Variants in PTPRO observed in about 807,000 individuals in gnomAD.
PTPRO encodes the protein receptor-type tyrosine-protein phosphatase O.
A neutral mutation model predicts 145.2 loss-of-function variants in PTPRO; 62 were observed. The observed-to-expected ratio is 0.43, with a 90% CI of 0.35 to 0.53. The LOEUF (loss-of-function observed/expected upper bound fraction) is 0.53. Among genes scored for constraint, PTPRO ranks in the 20% least tolerant of loss-of-function variants. The pLI is 0.01. For synonymous variants in PTPRO, 565 were observed against 514.7 expected (o/e 1.10, Z -1.32); for missense variants, 1,345 against 1,482.7 (o/e 0.91, Z 1.53).
intron 12 of PTPRO, among the ~76,000 whole-genome samples, chr12:15,531,310 C>G (rs181865072): frequency 6.6e-6 from 1 of 152,224 alleles, no homozygotes; most frequent in Non-Finnish European, 1.5e-5. Context: ...CCTGCTCAAA[C>G]TTTTCAAAAA....
intron 10 of PTPRO, among the ~76,000 whole-genome samples, chr12:15,523,883 G>A (rs908490165): frequency 6.6e-6 from 1 of 151,868 alleles, no homozygotes; most frequent in Non-Finnish European, 1.5e-5. Flanking sequence ...CTGCAGCCTG[G>A]ATCTCCTGGG....
chr12:15,508,407 G>A (rs933858836), intron 6 of PTPRO, among the ~76,000 whole-genome samples, 164 bp from the exon 7 acceptor site: 1 of 152,164 alleles, frequency 6.6e-6, no homozygotes, highest in Admixed American at 6.5e-5. Context: ...GGAGTAGAGG[G>A]TTGCAGCTGG....
chr12:15,537,920 A>G (rs1943098226), intron 12 of PTPRO, among the ~76,000 whole-genome samples: 1 of 152,196 alleles, frequency 6.6e-6, no homozygotes, highest in South Asian at 2.1e-4. Flanking sequence ...AGCAGAGTGA[A>G]GATCATGATA....
At position 15,353,539 on chromosome 12, in the gene PTPRO, C is replaced by T. The variant is rs76251111; in HGVS notation, c.75+30738C>T. ...CGATAAGTTGGATGTCTAACGAATT[C>T]CCACTGATATTCTCACAATATTGCC... On this transcript the variant is annotated intron_variant, in intron 1 of 26. Transcript: ENST00000281171. Among the ~76,000 whole-genome samples, 515 of 152,216 alleles carry T rather than the reference C, an allele frequency of 3.4e-3. 4 individuals are homozygous for T. The highest frequency in any genetic ancestry group is 0.011 in the African/African-American group (475 of 41,528).
chr12:15,507,317 G>A (rs1465450672), intron 6 of PTPRO, among the ~76,000 whole-genome samples: 1 of 151,950 alleles, frequency 6.6e-6, no homozygotes, highest in Admixed American at 6.6e-5. Context: ...GGAGGCTGAG[G>A]CAGGAGAATC....
At chr12:15,342,863 G>A (rs1163721844) in intron 1 of PTPRO, among the ~76,000 whole-genome samples, 3 of 152,094 alleles carry the variant, frequency 2.0e-5, no homozygotes, top group African/African-American at 7.2e-5. Context: ...GTCAGCTGTG[G>A]GCCGATAGGT....
At chr12:15,509,043 T>C (rs942527236) in intron 7 of PTPRO, among the ~76,000 whole-genome samples, 6 of 152,248 alleles carry the variant, frequency 3.9e-5, no homozygotes, top group Non-Finnish European at 7.3e-5. Flanking sequence ...GGTTCTAAGA[T>C]AGATGTTGGA....
chr12:15,491,419 G>A (rs896286289), intron 2 of PTPRO, among the ~76,000 whole-genome samples: 49 of 152,044 alleles, frequency 3.2e-4, no homozygotes, highest in Non-Finnish European at 4.4e-5. Context: ...CTCCACATTT[G>A]TTTGTATTTC....
intron 7 of PTPRO, 74 bp from the exon 8 acceptor site, chr12:15,515,424 A>C (rs1317069015): frequency 6.3e-7 from 1 of 1,577,896 alleles, no homozygotes; most frequent in East Asian, 2.2e-5. Flanking sequence ...GAGTCTCTGA[A>C]TATTATACCA....
At chr12:15,571,582 A>G (rs1393342108) in intron 19 of PTPRO, among the ~76,000 whole-genome samples, 1 of 152,192 alleles carries the variant, frequency 6.6e-6, no homozygotes, top group Non-Finnish European at 1.5e-5. Context: ...CACGATGCCC[A>G]GCCCAACCTC....
chr12:15,372,393 G>A (rs1591752527), intron 1 of PTPRO, among the ~76,000 whole-genome samples: 1 of 152,172 alleles, frequency 6.6e-6, no homozygotes. Flanking sequence ...TCATCAAAAA[G>A]ATCCCTAAAG....
intron 2 of PTPRO, among the ~76,000 whole-genome samples, chr12:15,487,357 AAAGAGTTTCTGCTCCTCTCCCAGG>A (rs1223865027): frequency 2.6e-5 from 4 of 152,108 alleles, no homozygotes; most frequent in Non-Finnish European, 5.9e-5. Flanking sequence ...TCTGGTCCCA[AAAGAGTTTCTGCTCCTCTCCCAGG>A]AACAGGCGTC....
At chr12:15,451,605 G>T (rs1941048194) in intron 1 of PTPRO, among the ~76,000 whole-genome samples, 1 of 152,066 alleles carries the variant, frequency 6.6e-6, no homozygotes, top group Non-Finnish European at 1.5e-5. Context: ...CACAAAACAA[G>T]TCTCAATAAA....
chr12:15,476,469 T>G (rs945227699), intron 1 of PTPRO, among the ~76,000 whole-genome samples: 9 of 151,726 alleles, frequency 5.9e-5, no homozygotes, highest in Non-Finnish European at 8.8e-5. Context: ...ATATTAGCCC[T>G]TTGTCAGATG....
At chr12:15,532,104 G>A (rs1942974082) in intron 12 of PTPRO, among the ~76,000 whole-genome samples, 2 of 152,048 alleles carry the variant, frequency 1.3e-5, no homozygotes, top group African/African-American at 4.8e-5. Flanking sequence ...CAATGCATAG[G>A]TCACTGAGTC....
intron 16 of PTPRO, among the ~76,000 whole-genome samples, chr12:15,558,209 C>T (rs1943687850): frequency 6.6e-6 from 1 of 152,290 alleles, no homozygotes; most frequent in South Asian, 2.1e-4. Flanking sequence ...GCTGGGATTA[C>T]AGGCCTGAGC....
intron 17 of PTPRO, among the ~76,000 whole-genome samples, chr12:15,562,715 A>T (rs1204582862): frequency 1.3e-5 from 2 of 150,382 alleles, no homozygotes; most frequent in Non-Finnish European, 3.0e-5. Context: ...AAGTTGAACT[A>T]GCTATATCTA....
At chr12:15,507,114 G>C (rs911712243) in intron 6 of PTPRO, among the ~76,000 whole-genome samples, 1 of 152,012 alleles carries the variant, frequency 6.6e-6, no homozygotes, top group Non-Finnish European at 1.5e-5. Flanking sequence ...TCATTGGCTT[G>C]TTATAAAAGT....
intron 1 of PTPRO, among the ~76,000 whole-genome samples, chr12:15,476,115 G>A (rs543388522): frequency 2.6e-5 from 4 of 152,110 alleles, no homozygotes; most frequent in South Asian, 2.1e-4. Context: ...TGGAGACCTC[G>A]GGTGCTCTAG....
Sources: gnomAD v4.1 joint callset for allele counts (sites outside exome capture counted in the v4.1 genomes callset) on GRCh38, gnomAD v4.1.1 for gene constraint, MANE v1.5 for transcripts, NCBI Gene and HGNC (gene_info 2026-07-23, HGNC 2026-07-21) for gene names.